Variants in PTPRQ observed in about 807,000 individuals in gnomAD.
The protein encoded by PTPRQ is protein tyrosine phosphatase receptor type Q.
A neutral mutation model predicts 246.0 loss-of-function variants in PTPRQ; 199 were observed. The ratio of observed to expected loss-of-function variants is 0.81; its 90% CI spans 0.72 to 0.91. The LOEUF (loss-of-function observed/expected upper bound fraction) is 0.91. Among genes scored for constraint, PTPRQ ranks in the 40% least tolerant of loss-of-function variants. The pLI, the probability that PTPRQ is intolerant of heterozygous loss-of-function variation, is 0.00. For missense variants in PTPRQ, 2,624 were observed against 2,528.4 expected (o/e 1.04, Z -0.81); for synonymous variants, 869 against 853.2 (o/e 1.02, Z -0.32).
Position 80,649,572 on chromosome 12 carries a change from C to T in PTPRQ, c.5943-16C>T, listed in dbSNP as rs1900189159. 2 of 1,549,436 alleles carry T rather than the reference C, an allele frequency of 1.3e-6. No individual in the cohort carries two copies. The highest frequency in any genetic ancestry group is 4.9e-5 in the East Asian group (2 of 40,844). ...AATCTAACATGACCCTATTTTATAC[C>T]TTTCTTTACTTGGAGGCCAATAAGC... On this transcript the variant is annotated splice_polypyrimidine_tract_variant and intron_variant, in intron 36 of 44. Transcript: ENST00000644991.
At chr12:80,668,941 G>T in intron 39 of PTPRQ, 66 bp from the exon 40 acceptor site, 1 of 1,459,930 alleles carries the variant, frequency 6.8e-7, no homozygotes, top group South Asian at 1.5e-5. Context: ...TTCATGCATT[G>T]ATCGAAAACT....
intron 33 of PTPRQ, among the ~76,000 whole-genome samples, chr12:80,629,677 G>A (rs1899348319): frequency 6.6e-6 from 1 of 152,128 alleles, no homozygotes; most frequent in African/African-American, 2.4e-5. Context: ...AGATGAGGAG[G>A]ATTTTAAGCA....
intron 14 of PTPRQ, among the ~76,000 whole-genome samples, chr12:80,499,238 G>A (rs932285120): frequency 2.6e-5 from 4 of 151,954 alleles, no homozygotes; most frequent in African/African-American, 9.7e-5. Flanking sequence ...TCCTAGCCAG[G>A]CCTAACAATC....
At position 80,610,500 on chromosome 12, in the gene PTPRQ, A is replaced by C; in HGVS notation, c.4793A>C (p.Glu1598Ala). 5 of 1,532,418 alleles carry C rather than the reference A, an allele frequency of 3.3e-6. No homozygotes were observed. Among genetic ancestry groups the C allele is most frequent in the Non-Finnish European group, 4.4e-6 (5 of 1,135,448 alleles). 94.9% of individuals were successfully genotyped at this position (1,532,418 alleles called of 1,614,324 possible). A position where few individuals can be genotyped will look rare whatever the true frequency, so the allele number is the denominator to read the frequency against. ...TCAAATGAAGAAAATAAAACCATAG[A>C]AATTAAAGATTTAGAAATATTCACA... ...IKSNEENKTI[E>A]IKDLEIFTRY... The change falls in exon 28 of 45, where the codon GAA becomes GCA. Residue 1598 changes from glutamate (E) to alanine (A), a missense_variant. Coordinates refer to ENST00000644991, the MANE Select transcript of PTPRQ (RefSeq NM_001145026.2).
At chr12:80,532,413 GT>G (rs901658215) in intron 17 of PTPRQ, among the ~76,000 whole-genome samples, 5 of 152,034 alleles carry the variant, frequency 3.3e-5, no homozygotes, top group Admixed American at 3.3e-4. Context: ...TGGAGACAGG[GT>G]TTTGCCATGT....
intron 25 of PTPRQ, among the ~76,000 whole-genome samples, chr12:80,575,433 A>T (rs972254941): frequency 1.3e-5 from 2 of 152,038 alleles, no homozygotes; most frequent in Middle Eastern, 3.2e-3. Context: ...AAAAAAAAAA[A>T]TTAGCCTAGA....
chr12:80,613,639 G>A lies in PTPRQ; in HGVS notation c.4966G>A (p.Glu1656Lys). The change falls in exon 29 of 45, where the codon GAA becomes AAA. Residue 1656 changes from glutamate (E) to lysine (K), a missense_variant. Glu to Lys is a moderately conservative substitution (Grantham distance 56, BLOSUM62 1). Transcript: ENST00000644991. Reference protein sequence around the residue: ...NNMTFQKIPDEVTKFQLTFLP... With the variant: ...NNMTFQKIPDKVTKFQLTFLP... ...CATGACATTTCAGAAGATACCAGAT[G>A]AAGTTACAAAATTTCAATTAACGTT... The A allele has an allele frequency of 6.5e-7, 1 of 1,545,378 alleles. No homozygotes were observed. The highest frequency in any genetic ancestry group is 8.8e-7 in the Non-Finnish European group (1 of 1,142,836).
intron 14 of PTPRQ, among the ~76,000 whole-genome samples, chr12:80,496,851 A>G (rs553480529): frequency 1.2e-4 from 18 of 152,176 alleles, no homozygotes; most frequent in Admixed American, 7.9e-4. Context: ...AGTTAGGTAA[A>G]ACTGAGACAT....
In PTPRQ at chr12:80,478,132, C is replaced by A. The variant is rs560015003; in HGVS notation, c.1186+5881C>A. ...CCTCTGCAGACTTAAATGTCCCTGT[C>A]TGACAGCTTTGAGGAGAGCAGTGGT... On this transcript the variant is annotated intron_variant, in intron 8 of 44. Coordinates refer to ENST00000644991, the MANE Select transcript of PTPRQ (RefSeq NM_001145026.2). Among the ~76,000 whole-genome samples, 288 of 150,696 alleles carry A rather than the reference C, an allele frequency of 1.9e-3. 1 individual carries two copies. The highest frequency in any genetic ancestry group is 6.8e-3 in the African/African-American group (274 of 40,292).
At chr12:80,654,716 C>T (rs1008322633) in intron 38 of PTPRQ, among the ~76,000 whole-genome samples, 5 of 148,072 alleles carry the variant, frequency 3.4e-5, no homozygotes, top group Admixed American at 2.0e-4. Context: ...AAAAATTAGC[C>T]GGGCGTGATG....
At chr12:80,471,675 C>T (rs1893641827) in intron 7 of PTPRQ, among the ~76,000 whole-genome samples, 1 of 148,518 alleles carries the variant, frequency 6.7e-6, no homozygotes, top group Non-Finnish European at 1.5e-5. Flanking sequence ...GACGGGGTTT[C>T]ACCGTTTTAG....
At chr12:80,668,556 C>A (rs573977856) in intron 39 of PTPRQ, among the ~76,000 whole-genome samples, 3 of 151,956 alleles carry the variant, frequency 2.0e-5, no homozygotes, top group Non-Finnish European at 4.4e-5. Context: ...GTTCTGGGCT[C>A]AACCTGCCTT....
rs1222248086 is a variant in PTPRQ at position 80,616,162 on chromosome 12, A to G, written c.5164-38A>G. The G allele has an allele frequency of 2.1e-6, 3 of 1,422,990 alleles. No homozygotes were observed. The African/African-American group carries it at 4.5e-5, about 21-fold the overall frequency. 88.1% of individuals were successfully genotyped at this position (1,422,990 alleles called of 1,614,324 possible). A position where few individuals can be genotyped will look rare whatever the true frequency, so the allele number is the denominator to read the frequency against. On this transcript the variant is annotated intron_variant, in intron 29 of 44. Coordinates refer to ENST00000644991, the MANE Select transcript of PTPRQ (RefSeq NM_001145026.2). ...ATATATACACACACATACATAAGCAATCACTTGAAAATAGTAACAAATATT... is the reference window on the plus strand; with the variant it reads ...ATATATACACACACATACATAAGCAGTCACTTGAAAATAGTAACAAATATT...
chr12:80,487,356 A>G (rs1389872676), intron 9 of PTPRQ, among the ~76,000 whole-genome samples: 2 of 152,078 alleles, frequency 1.3e-5, no homozygotes, highest in Non-Finnish European at 2.9e-5. Flanking sequence ...GGCACCCATA[A>G]GGTCTGTCCA....
At position 80,579,606 on chromosome 12, in the gene PTPRQ, C is replaced by T. The variant is rs140946444; in HGVS notation, c.4286-8523C>T. ...TATACATTGACTTGTATCCTGCCCA[C>T]ATCATTCAATGTGAATGTTCAATAA... On this transcript the variant is annotated intron_variant, in intron 25 of 44. Transcript: ENST00000644991. 2.1e-4 allele frequency among the ~76,000 whole-genome samples: 32 copies of T among 152,290 alleles called. No individual in the cohort carries two copies. In the South Asian group the frequency reaches 5.8e-3, roughly 28 times the overall value.
Position 80,472,210 on chromosome 12 carries a change from C to G in PTPRQ, c.1145C>G (p.Thr382Ser), listed in dbSNP as rs61729290. 1.2e-3 allele frequency: 1,873 copies of G among 1,551,478 alleles called. 19 individuals carry two copies. The African/African-American group carries it at 0.023, about 19-fold the overall frequency. ...ATTGCGGCTGAAACCAGTGCAGGGACTGGGCCCAAGTCAAATATTTCAGTA... is the reference window on the plus strand; with the variant it reads ...ATTGCGGCTGAAACCAGTGCAGGGAGTGGGCCCAAGTCAAATATTTCAGTA... Reference protein sequence around the residue: ...VYIAAETSAGTGPKSNISVFT... With the variant: ...VYIAAETSAGSGPKSNISVFT... The change falls in exon 8 of 45, where the codon ACT (threonine) becomes AGT (serine). Residue 382 changes from threonine (T) to serine (S), a missense_variant. Physicochemically the swap from Thr to Ser is moderately conservative, Grantham distance 58 (BLOSUM62 1). Coordinates refer to ENST00000644991, the MANE Select transcript of PTPRQ (RefSeq NM_001145026.2).
chr12:80,545,689 C>T (rs916974483), intron 23 of PTPRQ, among the ~76,000 whole-genome samples: 3 of 150,738 alleles, frequency 2.0e-5, no homozygotes, highest in Middle Eastern at 3.4e-3. Context: ...ATAGAGGAAT[C>T]GGCTGGGAAA....
At chr12:80,556,000 C>A (rs1305178970) in intron 25 of PTPRQ, among the ~76,000 whole-genome samples, 2 of 152,104 alleles carry the variant, frequency 1.3e-5, no homozygotes, top group African/African-American at 4.8e-5. Flanking sequence ...AAACACAAAC[C>A]TACATAATAT....
intron 17 of PTPRQ, among the ~76,000 whole-genome samples, chr12:80,517,689 T>C (rs1895347020): frequency 1.3e-5 from 2 of 151,896 alleles, no homozygotes; most frequent in Non-Finnish European, 2.9e-5. Flanking sequence ...ACCATGCTTC[T>C]ACTCTCTATC....
Sources: allele counts gnomAD v4.1 joint callset (sites outside exome capture counted in the v4.1 genomes callset), GRCh38; gene constraint gnomAD v4.1.1; transcripts MANE v1.5; gene names NCBI Gene and HGNC (gene_info 2026-07-23, HGNC 2026-07-21).